NAALADL2: variants seen among roughly 807,000 people sequenced by gnomAD.
NAALADL2 encodes the protein N-acetylated alpha-linked acidic dipeptidase like 2, also known as inactive N-acetylated-alpha-linked acidic dipeptidase-like protein 2.
Under a neutral mutation model 87.2 loss-of-function variants are expected in NAALADL2, and 76 were observed. The ratio of observed to expected loss-of-function variants is 0.87; its 90% CI spans 0.72 to 1.05. The LOEUF (loss-of-function observed/expected upper bound fraction) is 1.05. Among genes scored for constraint, NAALADL2 ranks in the 50% least tolerant of loss-of-function variants. NAALADL2 has a pLI of 0.00. For synonymous variants in NAALADL2, 354 were observed against 331.0 expected (o/e 1.07, Z -0.75); for missense variants, 1,089 against 945.8 (o/e 1.15, Z -1.99).
intron 2 of NAALADL2, among the ~76,000 whole-genome samples, chr3:174,609,274 C>G (rs532918224): frequency 3.3e-5 from 5 of 152,248 alleles, no homozygotes; most frequent in Admixed American, 3.3e-4. Flanking sequence ...TGCCCTCTCT[C>G]ACCACTCCTA....
At chr3:175,600,525 CTTTTTTTTTT>C (rs869212429) in intron 10 of NAALADL2, among the ~76,000 whole-genome samples, 270 of 61,062 alleles carry the variant, frequency 4.4e-3, no homozygotes, top group Middle Eastern at 0.022. Flanking sequence ...GTGTCTTAGT[CTTTTTTTTTT>C]TTTTTTTTTT....
chr3:175,350,176 T>A (rs1763612992), intron 5 of NAALADL2, among the ~76,000 whole-genome samples: 1 of 152,152 alleles, frequency 6.6e-6, no homozygotes. Context: ...TCCTTTTCCT[T>A]TTGGTTTTGA....
intron 2 of NAALADL2, among the ~76,000 whole-genome samples, chr3:174,558,487 C>A (rs1372130075): frequency 6.6e-6 from 1 of 152,052 alleles, no homozygotes; most frequent in African/African-American, 2.4e-5. Context: ...CTAGACGGTC[C>A]CATCTGGGGG....
intron 2 of NAALADL2, among the ~76,000 whole-genome samples, chr3:175,140,346 A>C (rs1406706634): frequency 1.3e-5 from 2 of 152,144 alleles, no homozygotes; most frequent in Non-Finnish European, 2.9e-5. Flanking sequence ...TACTATATGC[A>C]TGAGATCATG....
chr3:175,269,025 G>C (rs1286668045), intron 4 of NAALADL2, among the ~76,000 whole-genome samples: 5 of 149,898 alleles, frequency 3.3e-5, no homozygotes, highest in African/African-American at 1.2e-4. Flanking sequence ...TACAACCTCT[G>C]TCTCCCAGGT....
At chr3:175,637,159 T>C (rs1346840858) in intron 11 of NAALADL2, among the ~76,000 whole-genome samples, 5 of 152,366 alleles carry the variant, frequency 3.3e-5, no homozygotes, top group South Asian at 4.1e-4. Context: ...ACTTTAAATA[T>C]TCTTCAGCTT....
chr3:175,793,037 C>G (rs1752983565), intron 13 of NAALADL2, among the ~76,000 whole-genome samples: 1 of 152,168 alleles, frequency 6.6e-6, no homozygotes, highest in Non-Finnish European at 1.5e-5. Context: ...TGGTCACATA[C>G]CTATTTCTGA....
At chr3:175,701,042 A>G (rs1487730168) in intron 11 of NAALADL2, among the ~76,000 whole-genome samples, 2 of 152,146 alleles carry the variant, frequency 1.3e-5, no homozygotes, top group Non-Finnish European at 1.5e-5. Context: ...ACCTAGGTCT[A>G]CTTATTCAGA....
intron 3 of NAALADL2, among the ~76,000 whole-genome samples, chr3:175,248,097 T>C (rs553034441): frequency 6.6e-6 from 1 of 152,214 alleles, no homozygotes; most frequent in African/African-American, 2.4e-5. Flanking sequence ...TGCTTTCTCT[T>C]TGGCAAAGAA....
At chr3:175,264,223 G>GT (rs1291422379) in intron 4 of NAALADL2, among the ~76,000 whole-genome samples, 1 of 151,682 alleles carries the variant, frequency 6.6e-6, no homozygotes, top group Non-Finnish European at 1.5e-5. Flanking sequence ...AGTCACACAA[G>GT]TTTTTTCTTA....
chr3:174,950,404 G>C (rs1740162071), intron 1 of NAALADL2, among the ~76,000 whole-genome samples: 1 of 152,026 alleles, frequency 6.6e-6, no homozygotes, highest in Non-Finnish European at 1.5e-5. Context: ...CCAATGCATT[G>C]ATTTTCATTG....
At chr3:175,421,010 AT>A (rs1451176892) in intron 5 of NAALADL2, among the ~76,000 whole-genome samples, 2 of 152,020 alleles carry the variant, frequency 1.3e-5, no homozygotes, top group African/African-American at 2.4e-5. Context: ...GTTATAATAT[AT>A]TTCTGGAACG....
intron 3 of NAALADL2, among the ~76,000 whole-genome samples, chr3:174,830,916 G>A (rs867388687): frequency 0.011 from 1,716 of 149,222 alleles, 14 homozygotes; most frequent in Middle Eastern, 0.024. Context: ...TTTGTCTGTT[G>A]TTGGTGTATA....
chr3:175,780,051 G>GAGGTC (rs1244517160), intron 13 of NAALADL2, among the ~76,000 whole-genome samples: 1 of 151,704 alleles, frequency 6.6e-6, no homozygotes. Flanking sequence ...GGCAGATCAC[G>GAGGTC]AGGTCAGTAG....
chr3:174,991,720 CT>C (rs1485944354), intron 1 of NAALADL2, among the ~76,000 whole-genome samples: 2 of 152,022 alleles, frequency 1.3e-5, no homozygotes, highest in African/African-American at 4.8e-5. Context: ...GAACACAAGC[CT>C]TATTGTTCAC....
intron 1 of NAALADL2, among the ~76,000 whole-genome samples, chr3:175,078,884 G>A (rs1474521335): frequency 6.6e-6 from 1 of 152,128 alleles, no homozygotes; most frequent in Non-Finnish European, 1.5e-5. Flanking sequence ...TATGATTAAT[G>A]CTGCTCTAAA....
chr3:175,546,486 T>C (rs1299717191), intron 9 of NAALADL2, among the ~76,000 whole-genome samples: 1 of 152,118 alleles, frequency 6.6e-6, no homozygotes, highest in Non-Finnish European at 1.5e-5. Context: ...ATGTCATTGG[T>C]CTGTGTACTT....
chr3:174,787,603 A>ATATATATATATATATATATG (rs1311546482), intron 3 of NAALADL2, among the ~76,000 whole-genome samples: 4 of 99,480 alleles, frequency 4.0e-5, no homozygotes, highest in African/African-American at 9.8e-5. Context: ...ATATATATAT[A>ATATATATATATATATATATG]TATATATATA....
chr3:175,030,431 C>A (rs1752679628), intron 1 of NAALADL2, among the ~76,000 whole-genome samples: 1 of 152,016 alleles, frequency 6.6e-6, no homozygotes, highest in Admixed American at 6.6e-5. Flanking sequence ...AACAACTTAT[C>A]TGAAATATAG....
Sources: allele counts gnomAD v4.1 joint callset (sites outside exome capture counted in the v4.1 genomes callset), GRCh38; gene constraint gnomAD v4.1.1; transcripts MANE v1.5; gene names NCBI Gene and HGNC (gene_info 2026-07-23, HGNC 2026-07-21).